Variants in ZNF804B observed in about 807,000 individuals in gnomAD.
The protein encoded by ZNF804B is zinc finger protein 804B.
A neutral mutation model predicts 101.4 loss-of-function variants in ZNF804B; 80 were observed. That is an observed-to-expected ratio of 0.79 (90% CI 0.66 to 0.95). The LOEUF (loss-of-function observed/expected upper bound fraction) is 0.95. Among genes scored for constraint, ZNF804B ranks in the 40% least tolerant of loss-of-function variants. The pLI is 0.00. For synonymous variants in ZNF804B, 622 were observed against 558.8 expected, an observed-to-expected ratio of 1.11 and a Z score of -1.59; for missense variants, 1,673 against 1,561.9, an observed-to-expected ratio of 1.07 and a Z score of -1.20.
chr7:89,017,961 A>G (rs142959662), intron 1 of ZNF804B, among the ~76,000 whole-genome samples: 110 of 152,264 alleles, frequency 7.2e-4, no homozygotes, highest in Non-Finnish European at 1.4e-3. Context: ...TCATCAGCCA[A>G]GAGGAACAAG....
intron 2 of ZNF804B, among the ~76,000 whole-genome samples, chr7:89,246,811 A>G (rs1015213944): frequency 6.6e-6 from 1 of 152,108 alleles, no homozygotes; most frequent in Non-Finnish European, 1.5e-5. Flanking sequence ...ATACTTAGGC[A>G]TATCTCCAGA....
rs1206682255 is a variant in ZNF804B, at chr7:89,028,398, GA to G, written c.109-189756del. 8.5e-5 allele frequency among the ~76,000 whole-genome samples: 13 copies of G among 152,220 alleles called. 1 individual carries two copies. The highest frequency in any genetic ancestry group is 3.3e-4 in the Admixed American group (5 of 15,282). ...GAGAAAGCTCTAGAAAGGTAAACAA[GA>G]TTGCTGAGCAGCTTCAAACACCAGT... On this transcript the variant is annotated intron_variant, in intron 1 of 3. Coordinates refer to ENST00000333190, the MANE Select transcript of ZNF804B (RefSeq NM_181646.5).
intron 1 of ZNF804B, among the ~76,000 whole-genome samples, chr7:88,972,125 G>T (rs1793547957): frequency 6.6e-6 from 1 of 151,488 alleles, no homozygotes; most frequent in Admixed American, 6.6e-5. Context: ...CCAGCACTTT[G>T]CTAAGAGATG....
At chr7:89,219,917 G>A (rs993984424) in intron 2 of ZNF804B, among the ~76,000 whole-genome samples, 4 of 148,626 alleles carry the variant, frequency 2.7e-5, no homozygotes, top group African/African-American at 9.9e-5. Context: ...GCATATATAT[G>A]TATATACATA....
chr7:88,998,826 A>G (rs1347004934), intron 1 of ZNF804B, among the ~76,000 whole-genome samples: 1 of 152,038 alleles, frequency 6.6e-6, no homozygotes, highest in Non-Finnish European at 1.5e-5. Context: ...GTCCTAATGC[A>G]CAAAGTGCTT....
chr7:88,947,935 T>C (rs1244278517), intron 1 of ZNF804B, among the ~76,000 whole-genome samples: 1 of 151,980 alleles, frequency 6.6e-6, no homozygotes, highest in African/African-American at 2.4e-5. Flanking sequence ...GTATATGTTT[T>C]CACACATTTT....
At chr7:89,019,708 C>T (rs1788632415) in intron 1 of ZNF804B, among the ~76,000 whole-genome samples, 1 of 151,922 alleles carries the variant, frequency 6.6e-6, no homozygotes. Context: ...GAATTGATCC[C>T]TTATTTATTA....
At chr7:88,781,459 T>C (rs911899574) in intron 1 of ZNF804B, among the ~76,000 whole-genome samples, 1 of 152,164 alleles carries the variant, frequency 6.6e-6, no homozygotes, top group African/African-American at 2.4e-5. Context: ...CTAATTGGTC[T>C]AACATTCTTG....
intron 1 of ZNF804B, among the ~76,000 whole-genome samples, chr7:89,028,369 T>C (rs1376745699): frequency 6.6e-6 from 1 of 152,102 alleles, no homozygotes; most frequent in Non-Finnish European, 1.5e-5. Context: ...AAAATGGCAT[T>C]GAGGAGAAAG....
chr7:88,845,298 C>T (rs1244093465), intron 1 of ZNF804B, among the ~76,000 whole-genome samples: 7 of 87,086 alleles, frequency 8.0e-5, no homozygotes, highest in Middle Eastern at 5.4e-3. Context: ...CGCGCACGCG[C>T]GCGCACACAC....
At chr7:89,037,835 C>T (rs771107088) in intron 1 of ZNF804B, among the ~76,000 whole-genome samples, 67 of 152,228 alleles carry the variant, frequency 4.4e-4, no homozygotes, top group Non-Finnish European at 6.9e-4. Flanking sequence ...TGGCATCTGC[C>T]GTTCTAAGCG....
At chr7:89,213,109 A>C (rs981525913) in intron 1 of ZNF804B, among the ~76,000 whole-genome samples, 1 of 152,188 alleles carries the variant, frequency 6.6e-6, no homozygotes, top group African/African-American at 2.4e-5. Flanking sequence ...TCTCAAAGAC[A>C]AAGATTTTTT....
At chr7:88,912,119 T>C (rs1019084692) in intron 1 of ZNF804B, among the ~76,000 whole-genome samples, 7 of 152,042 alleles carry the variant, frequency 4.6e-5, no homozygotes, top group Non-Finnish European at 1.0e-4. Flanking sequence ...AAAGTAATTG[T>C]ACTATTTTGC....
intron 1 of ZNF804B, among the ~76,000 whole-genome samples, chr7:89,054,683 A>G (rs1004144795): frequency 1.3e-5 from 2 of 152,020 alleles, no homozygotes; most frequent in South Asian, 4.1e-4. Flanking sequence ...CTTTCAACTG[A>G]CATATTTACA....
chr7:89,141,585 T>C (rs1237574958), intron 1 of ZNF804B, among the ~76,000 whole-genome samples: 2 of 152,020 alleles, frequency 1.3e-5, no homozygotes. Flanking sequence ...CTAGACATGG[T>C]ATTGCTGGAT....
At chr7:89,183,574 T>C (rs1788331694) in intron 1 of ZNF804B, among the ~76,000 whole-genome samples, 1 of 152,210 alleles carries the variant, frequency 6.6e-6, no homozygotes. Flanking sequence ...TAAACATTTT[T>C]CCCCTTAGCT....
chr7:89,199,639 A>C (rs1328944943), intron 1 of ZNF804B, among the ~76,000 whole-genome samples: 1 of 151,868 alleles, frequency 6.6e-6, no homozygotes, highest in Non-Finnish European at 1.5e-5. Flanking sequence ...CTCTGATTTA[A>C]ACTCAGGCTG....
intron 1 of ZNF804B, among the ~76,000 whole-genome samples, chr7:89,207,975 G>T (rs534557110): frequency 2.5e-4 from 38 of 151,718 alleles, no homozygotes; most frequent in African/African-American, 8.5e-4. Flanking sequence ...GCGCTGATAT[G>T]TTCTGTATTA....
chr7:89,123,659 T>A (rs1777934283), intron 1 of ZNF804B, among the ~76,000 whole-genome samples: 1 of 152,022 alleles, frequency 6.6e-6, no homozygotes, highest in Non-Finnish European at 1.5e-5. Context: ...GTTCTCCTAA[T>A]TTTCCAGCAC....
Sources: gnomAD v4.1 joint callset for allele counts (sites outside exome capture counted in the v4.1 genomes callset) on GRCh38, gnomAD v4.1.1 for gene constraint, MANE v1.5 for transcripts, NCBI Gene and HGNC (gene_info 2026-07-23, HGNC 2026-07-21) for gene names.